The following PHTF2 variants were observed in gnomAD, a reference collection of about 807,000 sequenced individuals.
The protein encoded by PHTF2 is putative homeodomain transcription factor 2.
Under a neutral mutation model 101.2 loss-of-function variants are expected in PHTF2, and 60 were observed. The ratio of observed to expected loss-of-function variants is 0.59; its 90% CI spans 0.48 to 0.73. The LOEUF is 0.73. PHTF2 is among the 30% of genes least tolerant of loss of function. The probability of loss-of-function intolerance (pLI) is 0.00; values close to 1 mark genes in which losing one functional copy is unlikely to be tolerated. For synonymous variants in PHTF2, 311 were observed against 307.3 expected (o/e 1.01, Z -0.13); for missense variants, 747 against 908.7 (o/e 0.82, Z 2.29).
intron 3 of PHTF2, among the ~76,000 whole-genome samples, chr7:77,881,664 C>A (rs1799435748): frequency 6.6e-6 from 1 of 152,156 alleles, no homozygotes; most frequent in African/African-American, 2.4e-5. Flanking sequence ...AGCCACTGCA[C>A]CCAGCCAAAT....
chr7:77,931,848 G>A (rs942943260), intron 12 of PHTF2, among the ~76,000 whole-genome samples: 1 of 152,144 alleles, frequency 6.6e-6, no homozygotes, highest in Non-Finnish European at 1.5e-5. Flanking sequence ...GAATGAACTC[G>A]GCTGCATGTA....
chr7:77,936,060 A>G (rs1805094909), intron 12 of PHTF2, among the ~76,000 whole-genome samples: 1 of 152,168 alleles, frequency 6.6e-6, no homozygotes, highest in Admixed American at 6.5e-5. Flanking sequence ...AAGTAGTGAA[A>G]TGTATACCAT....
At chr7:77,867,833 G>T (rs1798191542) in intron 3 of PHTF2, among the ~76,000 whole-genome samples, 1 of 152,176 alleles carries the variant, frequency 6.6e-6, no homozygotes, top group African/African-American at 2.4e-5. Flanking sequence ...ACAGCTTGAT[G>T]CTGTAAAACA....
At chr7:77,898,470 A>G (rs1314728972) in intron 5 of PHTF2, among the ~76,000 whole-genome samples, 1 of 152,236 alleles carries the variant, frequency 6.6e-6, no homozygotes, top group East Asian at 1.9e-4. Context: ...GTTTAAATAT[A>G]TGTATTATTA....
At chr7:77,884,531 G>T (rs923270964) in intron 3 of PHTF2, among the ~76,000 whole-genome samples, 2 of 152,102 alleles carry the variant, frequency 1.3e-5, no homozygotes, top group African/African-American at 4.8e-5. Context: ...TTTTCTGACT[G>T]ATAACATTTA....
At chr7:77,835,581 A>G (rs947108567) in intron 1 of PHTF2, among the ~76,000 whole-genome samples, 1 of 152,136 alleles carries the variant, frequency 6.6e-6, no homozygotes, top group Non-Finnish European at 1.5e-5. Context: ...TGTACAAAGA[A>G]TACTCATAGG....
chr7:77,887,706 AC>A (rs1799992883), intron 3 of PHTF2, among the ~76,000 whole-genome samples: 1 of 152,224 alleles, frequency 6.6e-6, no homozygotes, highest in Non-Finnish European at 1.5e-5. Context: ...TACCAAAGAT[AC>A]AGGATGAGTT....
rs561461353 is a variant in PHTF2, at chr7:77,801,715, G to T, written c.-36+2744G>T. On this transcript the variant is annotated intron_variant, in intron 1 of 19. Coordinates refer to ENST00000416283, the Ensembl canonical transcript of PHTF2. ...TGTAAATGAAACATAAATGAATTTT[G>T]TGTTTAGACTTGAGTCCCATCTCTA... Among the ~76,000 whole-genome samples, 5 of 152,292 alleles carry T rather than the reference G, an allele frequency of 3.3e-5. No homozygotes were observed. In the South Asian group the frequency reaches 1.0e-3, roughly 32 times the overall value.
At chr7:77,922,628 C>T in exon 11 of PHTF2, 1 of 1,606,688 alleles carries the variant, frequency 6.2e-7, no homozygotes, top group Non-Finnish European at 8.5e-7. Flanking sequence ...CTTAGGATAC[C>T]CAAAGGACAA....
chr7:77,906,444 G>T (rs1801868256), intron 7 of PHTF2: 1 of 152,126 alleles, frequency 6.6e-6, no homozygotes, highest in African/African-American at 2.4e-5. Context: ...AAAAAGAGAG[G>T]AAGAAAGTGG....
At chr7:77,829,360 A>G (rs929157874) in intron 1 of PHTF2, among the ~76,000 whole-genome samples, 2 of 152,226 alleles carry the variant, frequency 1.3e-5, no homozygotes, top group African/African-American at 4.8e-5. Flanking sequence ...GAAAATAAAA[A>G]TTACAAATAT....
intron 1 of PHTF2, among the ~76,000 whole-genome samples, chr7:77,815,441 T>C (rs1165908083): frequency 6.6e-6 from 1 of 152,226 alleles, no homozygotes; most frequent in Non-Finnish European, 1.5e-5. Flanking sequence ...AAGCTATAAC[T>C]ATTTGGAAAT....
intron 12 of PHTF2, among the ~76,000 whole-genome samples, chr7:77,932,621 A>AGAGAGAGTGTGTGT (rs759880633): frequency 2.1e-4 from 25 of 118,474 alleles, no homozygotes; most frequent in African/African-American, 8.1e-4. Flanking sequence ...AGAGAGAGAG[A>AGAGAGAGTGTGTGT]GTGTGTGTGT....
In PHTF2 at chr7:77,920,297, T is replaced by G. The variant is rs1440677408; in HGVS notation, c.795T>G (p.Asn265Lys). 4.4e-6 allele frequency: 7 copies of G among 1,587,208 alleles called. No homozygotes were observed. In the East Asian group the frequency reaches 1.6e-4, roughly 36 times the overall value. Residue 265 changes from asparagine (N) to lysine (K), a missense_variant, in exon 10 of 20, where the codon AAT (asparagine) becomes AAG (lysine). Around this residue, in one of 6 missense-constraint regions of PHTF2, gnomAD observed 349 missense variants for 369.7 expected, o/e 0.94. Transcript: ENST00000416283. ...TTTTTAGATCAAAGAAAGCAAAGAA[T>G]TCAATTGATAAATCAACTGAAACTG... is the stretch of plus-strand genomic sequence containing the variant.
intron 3 of PHTF2, among the ~76,000 whole-genome samples, chr7:77,880,132 AC>A (rs1799285044): frequency 6.6e-6 from 1 of 152,214 alleles, no homozygotes; most frequent in Non-Finnish European, 1.5e-5. Context: ...TTTTCATGTA[AC>A]ATAACCAAAA....
intron 3 of PHTF2, among the ~76,000 whole-genome samples, chr7:77,893,243 C>T (rs988673868): frequency 6.6e-6 from 1 of 151,880 alleles, no homozygotes; most frequent in Non-Finnish European, 1.5e-5. Context: ...TTTTCTGAAC[C>T]TCTCCCTCCT....
rs139076883 is a variant in PHTF2, at chr7:77,924,126, G to A, written c.1119+1348G>A. ...TTTACTCTTAAACCAGCTTTAAAGG[G>A]CGTTTCTAAAAAAAAGCAAAATAAA... On this transcript the variant is annotated intron_variant, in intron 11 of 19. Coordinates refer to ENST00000416283, the Ensembl canonical transcript of PHTF2. 293 of 957,552 alleles carry A rather than the reference G, an allele frequency of 3.1e-4. 1 individual carries two copies. The African/African-American group carries it at 4.6e-3, about 15-fold the overall frequency. The allele number at this position is 957,552 out of a possible 1,614,324, so 59.3% of individuals were successfully genotyped here. A position where few individuals can be genotyped will look rare whatever the true frequency, so the allele number is the denominator to read the frequency against.
At chr7:77,955,643 A>G (rs1806948796) in exon 20 of PHTF2, 1 of 152,612 alleles carries the variant, frequency 6.6e-6, no homozygotes, top group African/African-American at 2.4e-5. Flanking sequence ...GGGATCTGTT[A>G]TAGTATACTA....
chr7:77,841,370 G>A (rs559661090), intron 2 of PHTF2, among the ~76,000 whole-genome samples: 3 of 152,088 alleles, frequency 2.0e-5, no homozygotes, highest in Admixed American at 1.3e-4. Flanking sequence ...TTGAGCCACC[G>A]CGCCCAGCCA....
Sources: gnomAD v4.1 joint callset for allele counts (sites outside exome capture counted in the v4.1 genomes callset) on GRCh38, gnomAD v4.1.1 for gene constraint, gnomAD v4.1.1 regional missense constraint, MANE v1.5 for transcripts, NCBI Gene and HGNC (gene_info 2026-07-23, HGNC 2026-07-21) for gene names.